Variants in SPTBN1 observed in about 807,000 individuals in gnomAD.
SPTBN1 encodes spectrin beta, non-erythrocytic 1, also known as spectrin beta chain, non-erythrocytic 1.
A neutral mutation model predicts 266.4 loss-of-function variants in SPTBN1; 32 were observed. That is an observed-to-expected ratio of 0.12 (90% CI 0.09 to 0.16). SPTBN1 has a LOEUF of 0.16. Among genes scored for constraint, SPTBN1 ranks in the 10% least tolerant of loss-of-function variants. The pLI is 1.00. For synonymous variants in SPTBN1, 1,336 were observed against 1,162.2 expected (o/e 1.15, Z -3.04); for missense variants, 2,296 against 3,067.1 (o/e 0.75, Z 5.94).
intron 2 of SPTBN1, chr2:54,527,198 G>A (rs900856060): frequency 3.9e-5 from 6 of 152,204 alleles, no homozygotes; most frequent in East Asian, 1.9e-4. Flanking sequence ...TCAGGAAAGC[G>A]TTCTGTGGCT....
At chr2:54,644,677 G>A in intron 20 of SPTBN1, 91 bp downstream of exon 20, 1 of 1,488,584 alleles carries the variant, frequency 6.7e-7, no homozygotes, top group Non-Finnish European at 9.0e-7. Flanking sequence ...ATTATCAGGA[G>A]TCCACCTTCC....
chr2:54,623,583 C>T lies in SPTBN1; in HGVS notation c.1169C>T (p.Ser390Phe), dbSNP rs1315906838. The change falls in exon 10 of 36, where the codon TCT becomes TTT. Residue 390 changes from serine (S) to phenylalanine (F), a missense_variant. Ser to Phe is a radical substitution (Grantham distance 155, BLOSUM62 -2). Transcript: ENST00000356805. ...VYMPREGKLI[S>F]DINKAWERLE... Reference sequence around the variant, plus strand: ...ATGCCCCGGGAGGGGAAGCTCATCTCTGACATCAACAAGGTAAAGTGGATC... The same window carrying T: ...ATGCCCCGGGAGGGGAAGCTCATCTTTGACATCAACAAGGTAAAGTGGATC... 6.2e-7 allele frequency: 1 copy of T among 1,613,942 alleles called. No individual in the cohort carries two copies. Among genetic ancestry groups the T allele is most frequent in the Non-Finnish European group, 8.5e-7 (1 of 1,179,882 alleles).
intron 2 of SPTBN1, among the ~76,000 whole-genome samples, chr2:54,552,571 C>G (rs1672639165): frequency 6.6e-6 from 1 of 150,616 alleles, no homozygotes; most frequent in Non-Finnish European, 1.5e-5. Context: ...ATTCTCCTGC[C>G]TCAGCCTCCT....
chr2:54,604,941 C>A (rs1450024397), intron 3 of SPTBN1, among the ~76,000 whole-genome samples: 1 of 152,196 alleles, frequency 6.6e-6, no homozygotes, highest in Non-Finnish European at 1.5e-5. Flanking sequence ...CGACCCTTGG[C>A]CCCACGTTAA....
In SPTBN1 at chr2:54,645,823, C is replaced by G; in HGVS notation, c.4495-105C>G. The G allele has an allele frequency of 3.2e-6, 4 of 1,269,354 alleles. No homozygotes were observed. Among genetic ancestry groups the G allele is most frequent in the Non-Finnish European group, 4.5e-6 (4 of 888,338 alleles). 78.6% of individuals were successfully genotyped at this position (1,269,354 alleles called of 1,614,324 possible). A position where few individuals can be genotyped will look rare whatever the true frequency, so the allele number is the denominator to read the frequency against. On this transcript the variant is annotated intron_variant, in intron 21 of 35. Transcript: ENST00000356805. This position sits in a 1 kb window ranked among gnomAD's most constrained non-coding sequence, Gnocchi z 4.3. ...AGCCCTCCCGAGGGGGCTGAGCACT[C>G]TCTGAAGCTCACCCTTGCTGTCCCT...
chr2:54,473,907 A>C (rs900301096), intron 1 of SPTBN1, among the ~76,000 whole-genome samples: 10 of 152,236 alleles, frequency 6.6e-5, no homozygotes, highest in Admixed American at 3.3e-4. Context: ...TAAGCTTAGC[A>C]TTTAAAATAT....
intron 16 of SPTBN1, among the ~76,000 whole-genome samples, chr2:54,631,949 C>T (rs1468249042): frequency 6.6e-6 from 1 of 152,070 alleles, no homozygotes; most frequent in Non-Finnish European, 1.5e-5. Context: ...TGATGACTCA[C>T]TCCTGTAATC....
At chr2:54,615,895 G>T (rs1420088256) in intron 4 of SPTBN1, among the ~76,000 whole-genome samples, 1 of 152,228 alleles carries the variant, frequency 6.6e-6, no homozygotes, top group African/African-American at 2.4e-5. Flanking sequence ...TGAGATTCCA[G>T]ATGCACTGTA....
At chr2:54,503,242 T>A (rs908262276) in intron 1 of SPTBN1, among the ~76,000 whole-genome samples, 2 of 152,258 alleles carry the variant, frequency 1.3e-5, no homozygotes, top group Non-Finnish European at 2.9e-5. Flanking sequence ...CATGGAGATA[T>A]GAACACAATT....
intron 1 of SPTBN1, among the ~76,000 whole-genome samples, chr2:54,484,975 A>T (rs1668277227): frequency 6.6e-6 from 1 of 152,052 alleles, no homozygotes; most frequent in African/African-American, 2.4e-5. Context: ...ACCATTATCA[A>T]ACCTAAAAAA....
chr2:54,587,013 T>A (rs1392021321), intron 2 of SPTBN1, among the ~76,000 whole-genome samples: 3 of 152,196 alleles, frequency 2.0e-5, no homozygotes, highest in Non-Finnish European at 4.4e-5. Context: ...TTGAAAACCA[T>A]AATAAGCAAG....
chr2:54,590,913 T>C (rs1048766056), intron 2 of SPTBN1, among the ~76,000 whole-genome samples: 5 of 152,100 alleles, frequency 3.3e-5, no homozygotes, highest in African/African-American at 1.2e-4. Context: ...AAACCACTGA[T>C]TGAGGAACAT....
chr2:54,474,702 G>GA (rs946592221), intron 1 of SPTBN1, among the ~76,000 whole-genome samples: 9 of 152,128 alleles, frequency 5.9e-5, no homozygotes, highest in Non-Finnish European at 1.3e-4. Context: ...TAACTATGTA[G>GA]AAAAATATAC....
At chr2:54,542,812 G>A (rs1672014723) in intron 2 of SPTBN1, among the ~76,000 whole-genome samples, 1 of 152,220 alleles carries the variant, frequency 6.6e-6, no homozygotes, top group Non-Finnish European at 1.5e-5. Context: ...GAAGGAAGAG[G>A]AATTTGGTTT....
intron 1 of SPTBN1, among the ~76,000 whole-genome samples, chr2:54,524,717 C>A (rs1670694468): frequency 6.6e-6 from 1 of 152,230 alleles, no homozygotes; most frequent in African/African-American, 2.4e-5. Flanking sequence ...CTTGGGCTCG[C>A]CCACCTCCCT....
At chr2:54,478,025 C>A (rs1244245105) in intron 1 of SPTBN1, among the ~76,000 whole-genome samples, 1 of 152,032 alleles carries the variant, frequency 6.6e-6, no homozygotes, top group Non-Finnish European at 1.5e-5. Context: ...TTTGTTGATA[C>A]CAGTATTGTG....
chr2:54,495,426 A>G (rs1049262230), intron 1 of SPTBN1, among the ~76,000 whole-genome samples: 2 of 152,214 alleles, frequency 1.3e-5, no homozygotes, highest in East Asian at 1.9e-4. Flanking sequence ...CTGTCTTGCT[A>G]GACAGTTCTG....
At chr2:54,598,912 A>G (rs1676286004) in intron 2 of SPTBN1, among the ~76,000 whole-genome samples, 180 bp from the exon 3 acceptor site, 3 of 152,222 alleles carry the variant, frequency 2.0e-5, no homozygotes, top group Non-Finnish European at 2.9e-5. Flanking sequence ...AAGTTGAACC[A>G]TCAGTAATCA....
intron 18 of SPTBN1, among the ~76,000 whole-genome samples, chr2:54,642,471 A>T (rs970714347): frequency 9.2e-5 from 14 of 151,598 alleles, no homozygotes; most frequent in Non-Finnish European, 1.5e-4. Flanking sequence ...CAAGTTATTT[A>T]TGCCTTTTTG....
Sources: allele counts gnomAD v4.1 joint callset (sites outside exome capture counted in the v4.1 genomes callset), GRCh38; gene constraint gnomAD v4.1.1; non-coding constraint Gnocchi (gnomAD v3.1); transcripts MANE v1.5; gene names NCBI Gene and HGNC (gene_info 2026-07-23, HGNC 2026-07-21).